Variants in SPATA7 observed in about 807,000 individuals in gnomAD.
The protein encoded by SPATA7 is spermatogenesis-associated protein 7.
Under a neutral mutation model 51.8 loss-of-function variants are expected in SPATA7, and 43 were observed. The ratio of observed to expected loss-of-function variants is 0.83; its 90% CI spans 0.65 to 1.07. SPATA7 has a LOEUF of 1.07. Among genes scored for constraint, SPATA7 ranks in the 50% least tolerant of loss-of-function variants. The pLI is 0.00. For synonymous variants in SPATA7, 230 were observed against 252.8 expected (o/e 0.91, Z 0.86); for missense variants, 683 against 701.3 (o/e 0.97, Z 0.30).
At chr14:88,399,121 A>G (rs2075986440) in intron 4 of SPATA7, among the ~76,000 whole-genome samples, 1 of 152,230 alleles carries the variant, frequency 6.6e-6, no homozygotes. Context: ...ATAAATGAAT[A>G]AAAGCATACA....
intron 4 of SPATA7, among the ~76,000 whole-genome samples, chr14:88,464,985 C>G (rs560558832): frequency 1.3e-5 from 2 of 152,300 alleles, no homozygotes; most frequent in Non-Finnish European, 2.9e-5. Flanking sequence ...ACACCACACT[C>G]TCCTCCCTCC....
At chr14:88,389,963 A>T (rs1055598800) in intron 1 of SPATA7, among the ~76,000 whole-genome samples, 4 of 152,228 alleles carry the variant, frequency 2.6e-5, no homozygotes, top group African/African-American at 9.6e-5. Flanking sequence ...AGTACTGAGC[A>T]GTTTATATTG....
chr14:88,413,866 A>C (rs1018866958), intron 4 of SPATA7, among the ~76,000 whole-genome samples: 2 of 151,938 alleles, frequency 1.3e-5, no homozygotes, highest in African/African-American at 4.8e-5. Flanking sequence ...ATTGATTTGC[A>C]TATGTTGAAC....
chr14:88,458,311 T>TC (rs2077297559), downstream of SPATA7, among the ~76,000 whole-genome samples: 1 of 149,364 alleles, frequency 6.7e-6, no homozygotes, highest in Admixed American at 6.7e-5. Flanking sequence ...GGTACCAGCT[T>TC]CTTGTACCTC....
Position 88,434,740 on chromosome 14 carries a change from T to C in SPATA7, c.1160+1528T>C, listed in dbSNP as rs150979882. Among the ~76,000 whole-genome samples the C allele has an allele frequency of 5.4e-5, 8 of 148,204 alleles. 1 individual carries two copies. The highest frequency in any genetic ancestry group is 2.0e-4 in the African/African-American group (8 of 40,410). On this transcript the variant is annotated intron_variant, in intron 10 of 11. Transcript: ENST00000393545. ...AGAAAAAACAAGATAGATACCCAAATAGTATGTATTGTTTAATTACAAGTT... is the reference window on the plus strand; with the variant it reads ...AGAAAAAACAAGATAGATACCCAAACAGTATGTATTGTTTAATTACAAGTT...
intron 5 of SPATA7, among the ~76,000 whole-genome samples, chr14:88,418,077 T>C (rs1327501172): frequency 2.0e-5 from 3 of 152,226 alleles, no homozygotes; most frequent in Non-Finnish European, 2.9e-5. Context: ...ACTATTCTCT[T>C]AATCTCTTCT....
At chr14:88,421,830 T>C (rs2076651986) in intron 5 of SPATA7, among the ~76,000 whole-genome samples, 1 of 151,798 alleles carries the variant, frequency 6.6e-6, no homozygotes, top group East Asian at 1.9e-4. Context: ...GCACCTGTAC[T>C]CCTAGCTACT....
intron 10 of SPATA7, among the ~76,000 whole-genome samples, chr14:88,435,716 A>G (rs1434837329): frequency 1.3e-5 from 2 of 152,200 alleles, no homozygotes; most frequent in Admixed American, 6.6e-5. Flanking sequence ...TTCACTTAAT[A>G]TAATGATCTC....
At position 88,395,663 on chromosome 14, in the gene SPATA7, T is replaced by C. The variant is rs1170592063; in HGVS notation, c.191-493T>C. ...TTCATATCCAAATTTCCCAGTACCATTTGTTGAAGAGGTTATCTTTTCTCT... is the reference window on the plus strand; with the variant it reads ...TTCATATCCAAATTTCCCAGTACCACTTGTTGAAGAGGTTATCTTTTCTCT... On this transcript the variant is annotated intron_variant, in intron 3 of 11. Transcript: ENST00000393545. Among the ~76,000 whole-genome samples, 5 of 152,122 alleles carry C rather than the reference T, an allele frequency of 3.3e-5. No individual in the cohort carries two copies. In the East Asian group the frequency reaches 9.6e-4, roughly 29 times the overall value.
chr14:88,407,949 T>C (rs760135856), intron 4 of SPATA7, among the ~76,000 whole-genome samples: 11 of 152,192 alleles, frequency 7.2e-5, no homozygotes, highest in Non-Finnish European at 1.5e-4. Flanking sequence ...AGACCTCTGT[T>C]CTATTCCATT....
intron 9 of SPATA7, among the ~76,000 whole-genome samples, chr14:88,432,081 G>C (rs139826381): frequency 2.0e-5 from 3 of 152,076 alleles, no homozygotes; most frequent in Admixed American, 6.6e-5. Context: ...TATTTTTTAA[G>C]TAAAAATAAT....
intron 4 of SPATA7, among the ~76,000 whole-genome samples, chr14:88,397,958 T>C (rs1470781872): frequency 6.6e-6 from 1 of 152,090 alleles, no homozygotes; most frequent in Non-Finnish European, 1.5e-5. Context: ...GGTGGGCACC[T>C]GTAGTCCCAG....
At chr14:88,462,261 TAC>T (rs2077322529) in intron 4 of SPATA7, among the ~76,000 whole-genome samples, 1 of 152,222 alleles carries the variant, frequency 6.6e-6, no homozygotes, top group Non-Finnish European at 1.5e-5. Flanking sequence ...GAAAAATGAA[TAC>T]GTTTATATTC....
intron 5 of SPATA7, among the ~76,000 whole-genome samples, chr14:88,419,428 A>T (rs1595250205): frequency 8.0e-6 from 1 of 125,540 alleles, no homozygotes. Flanking sequence ...CCATTTTTTG[A>T]TCTTAATGTT....
At chr14:88,452,020 G>A (rs1461338894) in intron 3 of SPATA7, among the ~76,000 whole-genome samples, 1 of 152,154 alleles carries the variant, frequency 6.6e-6, no homozygotes, top group Non-Finnish European at 1.5e-5. Flanking sequence ...TACCAGAATT[G>A]CTTTTCTGGT....
intron 2 of SPATA7, 137 bp downstream of exon 2, chr14:88,391,592 A>T: frequency 1.3e-6 from 1 of 765,668 alleles, no homozygotes; most frequent in African/African-American, 1.7e-5. Flanking sequence ...TTTTAATGAA[A>T]TATAGGCGTT....
chr14:88,457,821 G>T (rs1342558260), downstream of SPATA7, among the ~76,000 whole-genome samples: 1 of 152,188 alleles, frequency 6.6e-6, no homozygotes, highest in Non-Finnish European at 1.5e-5. Flanking sequence ...CAAAGGGAAT[G>T]CTTCCAGGTT....
At chr14:88,446,822 A>G (rs2077216714) in intron 3 of SPATA7, among the ~76,000 whole-genome samples, 1 of 151,646 alleles carries the variant, frequency 6.6e-6, no homozygotes. Context: ...CCTGAGTTCT[A>G]GTTTGATTGC....
chr14:88,448,808 G>T (rs900365492), intron 3 of SPATA7, among the ~76,000 whole-genome samples: 7 of 152,116 alleles, frequency 4.6e-5, no homozygotes, highest in Non-Finnish European at 8.8e-5. Flanking sequence ...GGGGTCAGGG[G>T]TCAGGGACCT....
Sources: gnomAD v4.1 joint callset for allele counts (sites outside exome capture counted in the v4.1 genomes callset) on GRCh38, gnomAD v4.1.1 for gene constraint, MANE v1.5 for transcripts, NCBI Gene and HGNC (gene_info 2026-07-23, HGNC 2026-07-21) for gene names.